FOXP2: variants seen among roughly 807,000 people sequenced by gnomAD.
FOXP2 encodes forkhead box protein P2.
FOXP2 carries 12 observed loss-of-function variants against 115.8 expected under a neutral mutation model. That is an observed-to-expected ratio of 0.10 (90% confidence interval 0.07 to 0.17). FOXP2 has a LOEUF of 0.17. Ranked by LOEUF, FOXP2 falls within the 10% of genes least tolerant of loss-of-function variation. FOXP2 has a pLI of 1.00. For synonymous variants in FOXP2, 328 were observed against 297.7 expected (o/e 1.10, Z -1.05); for missense variants, 629 against 843.5 (o/e 0.75, Z 3.15).
intron 3 of FOXP2, among the ~76,000 whole-genome samples, chr7:114,607,957 A>G (rs1438639851): frequency 6.6e-6 from 1 of 152,216 alleles, no homozygotes; most frequent in Non-Finnish European, 1.5e-5. Flanking sequence ...GAGGTTTCCT[A>G]TAAATCAGGT....
chr7:114,399,104 TTTTC>T (rs2129196055), intron 2 of FOXP2, among the ~76,000 whole-genome samples: 1 of 110,578 alleles, frequency 9.0e-6, no homozygotes, highest in South Asian at 4.5e-4. Flanking sequence ...CTGACTTTCT[TTTTC>T]TTTTTCTTTT....
intron 2 of FOXP2, among the ~76,000 whole-genome samples, chr7:114,294,885 T>A (rs1281930533): frequency 6.6e-6 from 1 of 151,872 alleles, no homozygotes; most frequent in Non-Finnish European, 1.5e-5. Context: ...CATACATACA[T>A]ACATACATAC....
At chr7:114,504,096 A>G (rs1471883206) in intron 2 of FOXP2, among the ~76,000 whole-genome samples, 2 of 151,612 alleles carry the variant, frequency 1.3e-5, no homozygotes, top group African/African-American at 2.4e-5. Flanking sequence ...TTGCAAATAT[A>G]TGTTTTGATA....
intron 1 of FOXP2, among the ~76,000 whole-genome samples, chr7:114,222,507 A>G (rs1794649534): frequency 6.6e-6 from 1 of 152,108 alleles, no homozygotes; most frequent in Non-Finnish European, 1.5e-5. Context: ...GTATTTGTAT[A>G]TGTATTTATT....
chr7:114,232,373 A>G (rs1349708459), intron 1 of FOXP2, among the ~76,000 whole-genome samples: 1 of 152,218 alleles, frequency 6.6e-6, no homozygotes, highest in Non-Finnish European at 1.5e-5. Flanking sequence ...TTATTTATAC[A>G]AAGTATTTAA....
intron 1 of FOXP2, among the ~76,000 whole-genome samples, chr7:114,156,593 G>A (rs1008654959): frequency 9.9e-5 from 15 of 152,016 alleles, no homozygotes; most frequent in Non-Finnish European, 2.9e-5. Context: ...TACATGTATT[G>A]ATTGATGTCT....
At chr7:114,636,840 A>G (rs1343186732) in intron 6 of FOXP2, among the ~76,000 whole-genome samples, 2 of 152,170 alleles carry the variant, frequency 1.3e-5, no homozygotes, top group African/African-American at 4.8e-5. Context: ...AGTGCTTGTC[A>G]TCTTGTAGAT....
chr7:114,441,503 G>A (rs984185365), intron 2 of FOXP2, among the ~76,000 whole-genome samples: 16 of 151,796 alleles, frequency 1.1e-4, no homozygotes, highest in African/African-American at 3.4e-4. Flanking sequence ...TTCACAAATC[G>A]TCAATGATTT....
At position 114,227,169 on chromosome 7, in the gene FOXP2, T is replaced by C. The variant is rs145680486; in HGVS notation, c.-101-60850T>C. Reference sequence around the variant, plus strand: ...GGGAATATTTCCTGGAATGTTACTGTATTTATGGATTTGATAGCCAGGCTA... The same window carrying C: ...GGGAATATTTCCTGGAATGTTACTGCATTTATGGATTTGATAGCCAGGCTA... On this transcript the variant is annotated intron_variant, in intron 1 of 17. Coordinates refer to the FOXP2 transcript ENST00000634411. Among the ~76,000 whole-genome samples, 334 of 152,238 alleles carry C rather than the reference T, an allele frequency of 2.2e-3. 1 individual carries two copies. Among genetic ancestry groups the C allele is most frequent in the Non-Finnish European group, 3.5e-3 (238 of 67,960 alleles).
At chr7:114,426,827 A>T (rs898730899) in intron 2 of FOXP2, 148 bp downstream of exon 2, 4 of 881,364 alleles carry the variant, frequency 4.5e-6, no homozygotes, top group Non-Finnish European at 7.1e-6. Context: ...TTGAAGGATG[A>T]GTAAAGAGAT....
At chr7:114,509,474 G>T (rs182716198) in intron 2 of FOXP2, among the ~76,000 whole-genome samples, 1 of 152,152 alleles carries the variant, frequency 6.6e-6, no homozygotes, top group African/African-American at 2.4e-5. Flanking sequence ...GAACTAGGCT[G>T]GATGCAGTAG....
chr7:114,105,963 T>A (rs1791101140), intron 1 of FOXP2, among the ~76,000 whole-genome samples: 1 of 152,092 alleles, frequency 6.6e-6, no homozygotes, highest in South Asian at 2.1e-4. Flanking sequence ...GTTTCTTAGA[T>A]GTTAACTGCC....
chr7:114,283,493 T>C (rs1796388304), intron 1 of FOXP2, among the ~76,000 whole-genome samples: 1 of 152,176 alleles, frequency 6.6e-6, no homozygotes, highest in Non-Finnish European at 1.5e-5. Flanking sequence ...AATGTTTTCC[T>C]TTTCATTTAG....
intron 2 of FOXP2, among the ~76,000 whole-genome samples, chr7:114,469,325 TAA>T (rs1303171127): frequency 6.6e-6 from 1 of 152,152 alleles, no homozygotes; most frequent in Non-Finnish European, 1.5e-5. Context: ...TATATGAGAT[TAA>T]AAGAGTAAGG....
chr7:114,651,654 T>C (rs1168548844), intron 8 of FOXP2, among the ~76,000 whole-genome samples: 3 of 152,116 alleles, frequency 2.0e-5, no homozygotes, highest in African/African-American at 4.8e-5. Flanking sequence ...ATTCTAATGA[T>C]CAAAATCTTC....
chr7:114,559,033 A>T (rs1017658409), intron 3 of FOXP2, among the ~76,000 whole-genome samples: 31 of 151,508 alleles, frequency 2.0e-4, no homozygotes, highest in African/African-American at 7.3e-4. Flanking sequence ...CCAGCTACCT[A>T]TTTTTTTTCA....
intron 1 of FOXP2, among the ~76,000 whole-genome samples, chr7:114,249,025 T>G (rs1287014703): frequency 1.3e-5 from 2 of 152,180 alleles, no homozygotes; most frequent in African/African-American, 4.8e-5. Flanking sequence ...ATAGCAGATA[T>G]AGTAATGAAC....
intron 2 of FOXP2, among the ~76,000 whole-genome samples, chr7:114,522,309 C>A (rs569032348): frequency 9.2e-5 from 14 of 152,228 alleles, no homozygotes; most frequent in African/African-American, 3.4e-4. Flanking sequence ...GAGGGAGAAA[C>A]TTGTTTTTTC....
intron 3 of FOXP2, among the ~76,000 whole-genome samples, chr7:114,539,146 A>C (rs1244207015): frequency 6.6e-6 from 1 of 151,904 alleles, no homozygotes; most frequent in Non-Finnish European, 1.5e-5. Flanking sequence ...ACTAATTATC[A>C]ATACTGAAAT....
Sources: allele counts gnomAD v4.1 joint callset (sites outside exome capture counted in the v4.1 genomes callset), GRCh38; gene constraint gnomAD v4.1.1; transcripts MANE v1.5; gene names NCBI Gene and HGNC (gene_info 2026-07-23, HGNC 2026-07-21).